Variants in SPSB1 observed in about 807,000 individuals in gnomAD.
The protein encoded by SPSB1 is SPRY domain-containing SOCS box protein 1.
In SPSB1, 8 loss-of-function variants were observed where a neutral mutation model predicts 21.2. The ratio of observed to expected loss-of-function variants is 0.38; its 90% CI spans 0.22 to 0.68. SPSB1 has a LOEUF of 0.68. Among genes scored for constraint, SPSB1 ranks in the 30% least tolerant of loss-of-function variants. The pLI, the probability that SPSB1 is intolerant of heterozygous loss-of-function variation, is 0.53. For missense variants in SPSB1, 242 were observed against 377.8 expected (o/e 0.64, Z 2.98); for synonymous variants, 169 against 161.7 (o/e 1.05, Z -0.34).
Position 9,324,335 on chromosome 1 carries a change from A to G in SPSB1, c.-150+31264A>G, listed in dbSNP as rs960579456. Among the ~76,000 whole-genome samples the G allele has an allele frequency of 7.2e-5, 11 of 152,124 alleles. No homozygotes were observed. The highest frequency in any genetic ancestry group is 1.3e-4 in the Non-Finnish European group (9 of 68,008). Reference sequence around the variant, plus strand: ...CCCGATTAGCTGTTGGTGGTGTGCCATCTGCGGCTCTGCTCTGGTGAGTTC... The same window carrying G: ...CCCGATTAGCTGTTGGTGGTGTGCCGTCTGCGGCTCTGCTCTGGTGAGTTC... On this transcript the variant is annotated intron_variant, in intron 1 of 2. Coordinates refer to ENST00000328089, the MANE Select transcript of SPSB1 (RefSeq NM_025106.4). This position sits in a 1 kb window ranked among gnomAD's most constrained non-coding sequence, Gnocchi z 4.3.
chr1:9,349,311 C>T (rs74619104), intron 1 of SPSB1, among the ~76,000 whole-genome samples: 4,996 of 152,298 alleles, frequency 0.033, 281 homozygotes, highest in African/African-American at 0.12. Flanking sequence ...CAGACGCTCC[C>T]GCCACGTGCT....
chr1:9,354,968 G>C (rs181517189), intron 1 of SPSB1, among the ~76,000 whole-genome samples: 2 of 152,324 alleles, frequency 1.3e-5, no homozygotes, highest in East Asian at 3.9e-4. Context: ...TTCCTCCCCA[G>C]ATGTGCTGTT....
Position 9,355,785 on chromosome 1 carries a change from C to T in SPSB1, c.-107C>T. 6.7e-7 allele frequency: 1 copy of T among 1,493,604 alleles called. No homozygotes were observed. The highest frequency in any genetic ancestry group is 8.9e-7 in the Non-Finnish European group (1 of 1,122,688). 92.5% of individuals were successfully genotyped at this position (1,493,604 alleles called of 1,614,324 possible). On this transcript the variant is annotated 5_prime_UTR_variant, in exon 2 of 3. Transcript: ENST00000328089. The stretch of plus-strand genomic sequence containing the variant: ...GCAGCTTGCAGAGGTCTCCTGGCAG[C>T]CCTCATTAGGAATTCTGTCTGGCCC...
At position 9,317,802 on chromosome 1, in the gene SPSB1, C is replaced by T. The variant is rs1377830255; in HGVS notation, c.-150+24731C>T. On this transcript the variant is annotated intron_variant, in intron 1 of 2. Coordinates refer to ENST00000328089, the MANE Select transcript of SPSB1 (RefSeq NM_025106.4). This position sits in a 1 kb window ranked among gnomAD's most constrained non-coding sequence, Gnocchi z 4.3. ...CTGGCCAGAAAAGACAGTTTCAGAGCCTTATGTAGGTGATTTCCGGTGGCG... is the reference window on the plus strand; with the variant it reads ...CTGGCCAGAAAAGACAGTTTCAGAGTCTTATGTAGGTGATTTCCGGTGGCG... Among the ~76,000 whole-genome samples the T allele has an allele frequency of 6.6e-6, 1 of 151,718 alleles. No homozygotes were observed. The highest frequency in any genetic ancestry group is 1.5e-5 in the Non-Finnish European group (1 of 67,956).
chr1:9,294,210 CTGTGTGTGTCTTTGCG>C lies in SPSB1; in HGVS notation c.-150+1154_-150+1169del, dbSNP rs1023407459. On this transcript the variant is annotated intron_variant, in intron 1 of 2. Coordinates refer to ENST00000328089, the MANE Select transcript of SPSB1 (RefSeq NM_025106.4). The stretch of plus-strand genomic sequence containing the variant: ...AATGTGTGTCTCTGTGTCTTTGTGT[CTGTGTGTGTCTTTGCG>C]TGTGTGTGTCTTTGTGTCTCTTTGT... Among the ~76,000 whole-genome samples, 14 of 151,012 alleles carry C rather than the reference CTGTGTGTGTCTTTGCG, an allele frequency of 9.3e-5. 1 individual carries two copies. The highest frequency in any genetic ancestry group is 2.9e-4 in the African/African-American group (12 of 41,054).
Position 9,305,734 on chromosome 1 carries a change from G to C in SPSB1, c.-150+12663G>C, listed in dbSNP as rs553514047. ...TGTTAGTGGGCCACTTGTCATTCATGCTTTTATTCAAACATTTGCTGAGCA... is the reference window on the plus strand; with the variant it reads ...TGTTAGTGGGCCACTTGTCATTCATCCTTTTATTCAAACATTTGCTGAGCA... On this transcript the variant is annotated intron_variant, in intron 1 of 2. Coordinates refer to ENST00000328089, the MANE Select transcript of SPSB1 (RefSeq NM_025106.4). This position sits in a 1 kb window ranked among gnomAD's most constrained non-coding sequence, Gnocchi z 4.8. Among the ~76,000 whole-genome samples the C allele has an allele frequency of 3.9e-5, 6 of 152,314 alleles. No homozygotes were observed. The highest frequency in any genetic ancestry group is 1.3e-4 in the Admixed American group (2 of 15,304).
chr1:9,327,160 G>A (rs140643910), intron 1 of SPSB1, among the ~76,000 whole-genome samples: 12 of 152,242 alleles, frequency 7.9e-5, no homozygotes, highest in African/African-American at 2.2e-4. Context: ...TCCCAGGATG[G>A]CCCTCTAAGC....
chr1:9,313,853 C>G (rs1434712872), intron 1 of SPSB1, among the ~76,000 whole-genome samples: 2 of 152,148 alleles, frequency 1.3e-5, no homozygotes, highest in Non-Finnish European at 2.9e-5. Context: ...CTGGGGATCT[C>G]GAATCTCCTG....
chr1:9,317,918 C>T lies in SPSB1; in HGVS notation c.-150+24847C>T, dbSNP rs572571208. 1.3e-4 allele frequency among the ~76,000 whole-genome samples: 19 copies of T among 148,686 alleles called. No individual in the cohort carries two copies. In the South Asian group the frequency reaches 1.5e-3, roughly 12 times the overall value. Reference sequence around the variant, plus strand: ...TTTCTTGCTTCCTTGGCACACCATTCGCTCCGCGAGTTTGTTAAGGGCCCC... The same window carrying T: ...TTTCTTGCTTCCTTGGCACACCATTTGCTCCGCGAGTTTGTTAAGGGCCCC... On this transcript the variant is annotated intron_variant, in intron 1 of 2. Transcript: ENST00000328089. This position sits in a 1 kb window ranked among gnomAD's most constrained non-coding sequence, Gnocchi z 4.3.
chr1:9,295,155 T>A (rs1639196224), intron 1 of SPSB1, among the ~76,000 whole-genome samples: 1 of 152,110 alleles, frequency 6.6e-6, no homozygotes, highest in African/African-American at 2.4e-5. Context: ...TTACAGCTGC[T>A]TTTCTTCTGC....
chr1:9,296,585 CAT>C (rs903312941), intron 1 of SPSB1, among the ~76,000 whole-genome samples: 6 of 151,620 alleles, frequency 4.0e-5, no homozygotes, highest in African/African-American at 4.8e-5. Flanking sequence ...AAGATGTGCA[CAT>C]GTGTACACAC....
chr1:9,307,800 T>C (rs1351288002), intron 1 of SPSB1, among the ~76,000 whole-genome samples: 1 of 152,236 alleles, frequency 6.6e-6, no homozygotes, highest in Admixed American at 6.5e-5. Flanking sequence ...AGCTCCCTTC[T>C]TGAGCCCATC....
intron 2 of SPSB1, among the ~76,000 whole-genome samples, chr1:9,357,537 T>C (rs926224556): frequency 6.6e-6 from 1 of 152,214 alleles, no homozygotes; most frequent in African/African-American, 2.4e-5. Context: ...GTGACCTCTC[T>C]CACTCATTAG....
chr1:9,362,179 A>ACCCC (rs531067646), intron 2 of SPSB1, among the ~76,000 whole-genome samples: 3 of 138,340 alleles, frequency 2.2e-5, no homozygotes, highest in Non-Finnish European at 3.1e-5. Context: ...AGGGCCACCC[A>ACCCC]CCCTCCCTCC....
In SPSB1 at chr1:9,317,048, A is replaced by C. The variant is rs1639628284; in HGVS notation, c.-150+23977A>C. On this transcript the variant is annotated intron_variant, in intron 1 of 2. Transcript: ENST00000328089. The surrounding 1 kb of genome is among the most constrained non-coding windows in gnomAD (Gnocchi z 4.3). ...CACACGGTGGAATTTAGAATCCTTA[A>C]CCTGGCCTGTGAGGGTTTGCTTCCG... is the stretch of plus-strand genomic sequence containing the variant. Among the ~76,000 whole-genome samples, 1 of 152,162 alleles carries C rather than the reference A, an allele frequency of 6.6e-6. No homozygotes were observed. The highest frequency in any genetic ancestry group is 2.4e-5 in the African/African-American group (1 of 41,446).
chr1:9,343,518 A>G (rs1352042420), intron 1 of SPSB1, among the ~76,000 whole-genome samples: 1 of 152,206 alleles, frequency 6.6e-6, no homozygotes, highest in East Asian at 1.9e-4. Context: ...ATTGATGGAC[A>G]TTTGGGCTCA....
At chr1:9,306,827 G>A (rs1384128242) in intron 1 of SPSB1, among the ~76,000 whole-genome samples, 1 of 152,184 alleles carries the variant, frequency 6.6e-6, no homozygotes, top group African/African-American at 2.4e-5. Flanking sequence ...GCTAAGGAGA[G>A]AAAGTAAAGT....
At chr1:9,329,821 G>A (rs1320607228) in intron 1 of SPSB1, among the ~76,000 whole-genome samples, 1 of 152,160 alleles carries the variant, frequency 6.6e-6, no homozygotes, top group African/African-American at 2.4e-5. Flanking sequence ...GTAGGCTTGG[G>A]TGTGGAGGTA....
At chr1:9,331,658 CA>C (rs1553126477) in intron 1 of SPSB1, among the ~76,000 whole-genome samples, 1 of 152,022 alleles carries the variant, frequency 6.6e-6, no homozygotes, top group Non-Finnish European at 1.5e-5. Flanking sequence ...GCTCACGCAC[CA>C]GGGGTGGAAT....
Sources: allele counts gnomAD v4.1 joint callset (sites outside exome capture counted in the v4.1 genomes callset), GRCh38; gene constraint gnomAD v4.1.1; non-coding constraint Gnocchi (gnomAD v3.1); transcripts MANE v1.5; gene names NCBI Gene and HGNC (gene_info 2026-07-23, HGNC 2026-07-21).